SDK1: variants seen among roughly 807,000 people sequenced by gnomAD.
The protein encoded by SDK1 is protein sidekick-1.
A neutral mutation model predicts 245.5 loss-of-function variants in SDK1; 157 were observed. That is an observed-to-expected ratio of 0.64 (90% confidence interval 0.56 to 0.73). The LOEUF (loss-of-function observed/expected upper bound fraction) is 0.73. Among genes scored for constraint, SDK1 ranks in the 30% least tolerant of loss-of-function variants. The pLI is 0.00. For missense variants in SDK1, 3,583 were observed against 3,002.3 expected (o/e 1.19, Z -4.52); for synonymous variants, 1,647 against 1,278.5 (o/e 1.29, Z -6.15).
chr7:4,180,098 C>A (rs1335339621), intron 35 of SDK1, among the ~76,000 whole-genome samples: 1 of 152,068 alleles, frequency 6.6e-6, no homozygotes, highest in East Asian at 1.9e-4. Context: ...GTGCGGGAAA[C>A]TGGGGAGTCG....
At chr7:3,732,408 A>G (rs1779206152) in intron 4 of SDK1, among the ~76,000 whole-genome samples, 1 of 152,250 alleles carries the variant, frequency 6.6e-6, no homozygotes, top group South Asian at 2.1e-4. Flanking sequence ...GAGGAAAGAT[A>G]GAGGAAGATT....
chr7:3,561,356 G>C (rs938317309), intron 1 of SDK1, among the ~76,000 whole-genome samples: 4 of 152,176 alleles, frequency 2.6e-5, no homozygotes, highest in African/African-American at 7.2e-5. Flanking sequence ...GTCAGGGATG[G>C]AGCTTTTATT....
In SDK1 at chr7:4,267,730, A is replaced by G. The variant is rs1407755802; in HGVS notation, c.*2346A>G. Reference sequence around the variant, plus strand: ...GCTCTCGGGTTTTCGATACAACATCATGACACTTCTGTTTCAAGCTCATGT... The same window carrying G: ...GCTCTCGGGTTTTCGATACAACATCGTGACACTTCTGTTTCAAGCTCATGT... On this transcript the variant is annotated 3_prime_UTR_variant, in exon 45 of 45. Transcript: ENST00000404826. 4.1e-6 allele frequency: 4 copies of G among 985,502 alleles called. No individual in the cohort carries two copies. Among genetic ancestry groups the G allele is most frequent in the Non-Finnish European group, 3.6e-6 (3 of 829,966 alleles). 61.0% of individuals were successfully genotyped at this position (985,502 alleles called of 1,614,324 possible).
chr7:3,920,112 G>A (rs1779535016), intron 5 of SDK1, among the ~76,000 whole-genome samples: 1 of 152,174 alleles, frequency 6.6e-6, no homozygotes, highest in South Asian at 2.1e-4. Flanking sequence ...AGGAATGGCG[G>A]TGAGTTCACC....
At chr7:3,418,349 G>A (rs1337060279) in intron 1 of SDK1, among the ~76,000 whole-genome samples, 1 of 151,934 alleles carries the variant, frequency 6.6e-6, no homozygotes, top group African/African-American at 2.4e-5. Flanking sequence ...ATTATACTAT[G>A]ACTCTTTTCT....
intron 4 of SDK1, among the ~76,000 whole-genome samples, chr7:3,779,697 C>T (rs1289271262): frequency 6.6e-6 from 1 of 151,972 alleles, no homozygotes; most frequent in Non-Finnish European, 1.5e-5. Flanking sequence ...CTTTGGGAGG[C>T]CGAGGCGGGT....
chr7:3,303,594 T>A (rs1017192300), intron 1 of SDK1, among the ~76,000 whole-genome samples: 2 of 152,234 alleles, frequency 1.3e-5, no homozygotes, highest in Non-Finnish European at 2.9e-5. Flanking sequence ...ATTTTATTCC[T>A]TTTTGGCAGT....
chr7:3,634,851 C>G (rs1213684461), intron 2 of SDK1, among the ~76,000 whole-genome samples: 1 of 152,098 alleles, frequency 6.6e-6, no homozygotes, highest in Non-Finnish European at 1.5e-5. Flanking sequence ...GAAAGCAGTT[C>G]TATTTTTGGG....
chr7:3,931,451 T>C (rs1779975218), intron 5 of SDK1, among the ~76,000 whole-genome samples: 1 of 152,230 alleles, frequency 6.6e-6, no homozygotes. Context: ...TTATGGGGCT[T>C]CTATCCTAAC....
chr7:3,590,530 T>C (rs1410051198), intron 1 of SDK1, among the ~76,000 whole-genome samples: 1 of 152,158 alleles, frequency 6.6e-6, no homozygotes, highest in Non-Finnish European at 1.5e-5. Flanking sequence ...AAGTTTGAAA[T>C]CACTAAATCA....
chr7:3,613,919 A>C (rs1263228560), intron 1 of SDK1, among the ~76,000 whole-genome samples: 1 of 152,196 alleles, frequency 6.6e-6, no homozygotes, highest in Non-Finnish European at 1.5e-5. Flanking sequence ...TGGGAGGTAA[A>C]TGATGAGAAC....
At chr7:4,239,767 T>C (rs1473029006) in intron 42 of SDK1, among the ~76,000 whole-genome samples, 1 of 152,220 alleles carries the variant, frequency 6.6e-6, no homozygotes, top group Admixed American at 6.5e-5. Flanking sequence ...GGGCCAGACC[T>C]CTTCCTGAGC....
intron 5 of SDK1, among the ~76,000 whole-genome samples, chr7:3,900,394 G>C (rs1358246819): frequency 1.3e-5 from 2 of 152,052 alleles, no homozygotes; most frequent in African/African-American, 4.8e-5. Context: ...GTTTTATCTG[G>C]TTTTTCATCC....
chr7:3,800,362 C>CTTAT (rs201361414), intron 4 of SDK1, among the ~76,000 whole-genome samples: 5,558 of 141,322 alleles, frequency 0.039, 142 homozygotes, highest in Middle Eastern at 0.097. Flanking sequence ...TACTTACTTA[C>CTTAT]TTACTTACTT....
chr7:3,777,297 A>G (rs771782101), intron 4 of SDK1, among the ~76,000 whole-genome samples: 2 of 152,160 alleles, frequency 1.3e-5, no homozygotes, highest in Non-Finnish European at 2.9e-5. Flanking sequence ...ATTTGCCCTT[A>G]TTGGCATCCT....
intron 4 of SDK1, among the ~76,000 whole-genome samples, chr7:3,699,826 G>A (rs966395017): frequency 1.3e-5 from 2 of 152,072 alleles, no homozygotes; most frequent in Admixed American, 6.6e-5. Context: ...CCTGAATATG[G>A]CATTTTAAAA....
At chr7:4,194,923 A>C (rs1264578139) in intron 35 of SDK1, among the ~76,000 whole-genome samples, 1 of 152,160 alleles carries the variant, frequency 6.6e-6, no homozygotes. Flanking sequence ...AAATTATAAT[A>C]ATTGCTTAGT....
chr7:3,460,793 A>G (rs1780810202), intron 1 of SDK1, among the ~76,000 whole-genome samples: 1 of 152,196 alleles, frequency 6.6e-6, no homozygotes, highest in African/African-American at 2.4e-5. Flanking sequence ...GAATGAATGA[A>G]TATGAAAATC....
At chr7:3,834,454 A>G (rs1027994880) in intron 5 of SDK1, among the ~76,000 whole-genome samples, 127 of 152,210 alleles carry the variant, frequency 8.3e-4, no homozygotes, top group African/African-American at 2.8e-3. Flanking sequence ...GGAACGATGA[A>G]TTCTGCTTCC....
Sources: gnomAD v4.1 joint callset for allele counts (sites outside exome capture counted in the v4.1 genomes callset) on GRCh38, gnomAD v4.1.1 for gene constraint, MANE v1.5 for transcripts, NCBI Gene and HGNC (gene_info 2026-07-23, HGNC 2026-07-21) for gene names.